Variants in CLSTN2 observed in about 807,000 individuals in gnomAD.
CLSTN2 encodes the protein calsyntenin 2, also known as calsyntenin-2.
CLSTN2 carries 48 observed loss-of-function variants against 101.2 expected under a neutral mutation model. The observed-to-expected ratio is 0.47, with a 90% CI of 0.38 to 0.60. The LOEUF is 0.60. CLSTN2 is among the 20% of genes least tolerant of loss of function. The pLI is 0.00. For missense variants in CLSTN2, 1,160 were observed against 1,238.2 expected, an observed-to-expected ratio of 0.94 and a Z score of 0.95; for synonymous variants, 481 against 463.6, an observed-to-expected ratio of 1.04 and a Z score of -0.48.
At chr3:140,500,464 A>G (rs1934555345) in intron 8 of CLSTN2, among the ~76,000 whole-genome samples, 1 of 152,226 alleles carries the variant, frequency 6.6e-6, no homozygotes, top group Non-Finnish European at 1.5e-5. Context: ...TACAGTCATG[A>G]ATGTAAAACA....
At chr3:140,372,104 T>A (rs1383017) in intron 2 of CLSTN2, among the ~76,000 whole-genome samples, 145,663 of 152,230 alleles carry the variant, frequency 0.96, 70,008 homozygotes, top group East Asian at 1. Context: ...GCAGGAGCTT[T>A]GTCTACTGTT....
chr3:140,021,350 G>A (rs1416582846), intron 1 of CLSTN2, among the ~76,000 whole-genome samples: 1 of 152,224 alleles, frequency 6.6e-6, no homozygotes, highest in African/African-American at 2.4e-5. Context: ...TCTAATGGCA[G>A]TTATGTGCCA....
intron 1 of CLSTN2, among the ~76,000 whole-genome samples, chr3:139,960,755 G>C (rs768841747): frequency 3.3e-4 from 50 of 152,152 alleles, no homozygotes; most frequent in Non-Finnish European, 6.2e-4. Flanking sequence ...AGAAGCCAGG[G>C]GCTGACTCAG....
At chr3:140,012,778 G>T (rs756847285) in intron 1 of CLSTN2, among the ~76,000 whole-genome samples, 10 of 152,206 alleles carry the variant, frequency 6.6e-5, no homozygotes, top group Non-Finnish European at 7.3e-5. Context: ...GGTAAGCCTG[G>T]GTGCCTGAGG....
intron 1 of CLSTN2, among the ~76,000 whole-genome samples, chr3:140,164,729 C>A (rs1459714493): frequency 6.6e-6 from 1 of 152,138 alleles, no homozygotes; most frequent in Admixed American, 6.5e-5. Flanking sequence ...TTTTCCTAGC[C>A]TTGCTCTTGG....
chr3:139,941,348 A>G (rs112421498), intron 1 of CLSTN2, among the ~76,000 whole-genome samples: 7,126 of 152,124 alleles, frequency 0.047, 215 homozygotes, highest in African/African-American at 0.08. Flanking sequence ...GAATGGTTAG[A>G]ATGAGAGTTA....
At chr3:139,981,452 T>C (rs1168346779) in intron 1 of CLSTN2, among the ~76,000 whole-genome samples, 2 of 152,234 alleles carry the variant, frequency 1.3e-5, no homozygotes, top group African/African-American at 4.8e-5. Context: ...ATTTTTATCA[T>C]TGCCTATTCT....
chr3:140,046,442 A>C (rs903589187), intron 1 of CLSTN2, among the ~76,000 whole-genome samples: 26 of 152,106 alleles, frequency 1.7e-4, no homozygotes, highest in African/African-American at 6.3e-4. Flanking sequence ...AATACAGTAC[A>C]CTGATAGGTC....
rs1422814061 is a variant in CLSTN2 at position 140,040,392 on chromosome 3, G to A, written c.109+104909G>A. ...TCTGAATCTGTTCAGGCCAGACAATGCATTGCATAGGTTAGATATAGTCAA... is the reference window on the plus strand; with the variant it reads ...TCTGAATCTGTTCAGGCCAGACAATACATTGCATAGGTTAGATATAGTCAA... On this transcript the variant is annotated intron_variant, in intron 1 of 16. Transcript: ENST00000458420. 2.0e-5 allele frequency among the ~76,000 whole-genome samples: 3 copies of A among 152,264 alleles called. No homozygotes were observed. In the East Asian group the frequency reaches 5.8e-4, roughly 29 times the overall value.
At chr3:140,377,070 T>C (rs11916924) in intron 2 of CLSTN2, among the ~76,000 whole-genome samples, 145,179 of 151,728 alleles carry the variant, frequency 0.96, 69,780 homozygotes, top group East Asian at 1. Context: ...TGCCATAAAA[T>C]GATGTTTTGG....
chr3:140,307,412 G>A (rs1375383337), intron 2 of CLSTN2, among the ~76,000 whole-genome samples: 2 of 152,072 alleles, frequency 1.3e-5, no homozygotes. Flanking sequence ...GGCAGAGCAG[G>A]GCATTGACTA....
At chr3:140,454,642 A>T (rs945742255) in intron 6 of CLSTN2, 3 of 152,238 alleles carry the variant, frequency 2.0e-5, no homozygotes, top group Admixed American at 1.3e-4. Context: ...ACAAAGGTTT[A>T]TTTATCATTC....
chr3:140,515,913 A>C (rs1384547996), intron 8 of CLSTN2, among the ~76,000 whole-genome samples: 1 of 152,094 alleles, frequency 6.6e-6, no homozygotes, highest in Non-Finnish European at 1.5e-5. Context: ...CCTTGAGGAC[A>C]TGTCTACTGC....
chr3:140,068,647 C>T (rs2008339961), intron 1 of CLSTN2, among the ~76,000 whole-genome samples: 1 of 152,180 alleles, frequency 6.6e-6, no homozygotes, highest in Non-Finnish European at 1.5e-5. Flanking sequence ...ACAAGATGAC[C>T]AATTCCTGAT....
At chr3:140,056,003 A>T (rs959444264) in intron 1 of CLSTN2, among the ~76,000 whole-genome samples, 2 of 152,176 alleles carry the variant, frequency 1.3e-5, no homozygotes, top group African/African-American at 4.8e-5. Flanking sequence ...GCTGGATTGG[A>T]GAGTACCAAG....
rs777006836 is a variant in CLSTN2, at chr3:140,403,763, A to G, written c.367A>G (p.Ile123Val). 3.7e-6 allele frequency: 6 copies of G among 1,614,168 alleles called. No homozygotes were observed. In the South Asian group the frequency reaches 6.6e-5, roughly 18 times the overall value. ...DCELQKEYTF[I>V]IQAYDCGAGP... ...TGAGTTGCAGAAGGAGTACACATTC[A>G]TCATCCAGGCCTATGACTGTGGTGC... The change falls in exon 3 of 17, where the codon ATC becomes GTC. Residue 123 changes from isoleucine (I) to valine (V), a missense_variant. By Grantham distance (29) the Ile-to-Val change is conservative. Coordinates refer to ENST00000458420, the MANE Select transcript of CLSTN2 (RefSeq NM_022131.3).
intron 1 of CLSTN2, among the ~76,000 whole-genome samples, chr3:139,984,261 A>G (rs1160855588): frequency 1.3e-5 from 2 of 152,212 alleles, no homozygotes; most frequent in Non-Finnish European, 2.9e-5. Context: ...ATTCTCCAGG[A>G]TGATCCATAG....
chr3:140,118,699 G>A (rs1451892004), intron 1 of CLSTN2, among the ~76,000 whole-genome samples: 1 of 152,106 alleles, frequency 6.6e-6, no homozygotes, highest in Non-Finnish European at 1.5e-5. Context: ...TCCAATTTCA[G>A]TGACTCCTGG....
chr3:140,485,263 G>T (rs545955338), intron 8 of CLSTN2, among the ~76,000 whole-genome samples: 7 of 152,360 alleles, frequency 4.6e-5, no homozygotes, highest in African/African-American at 1.7e-4. Flanking sequence ...AGAGGCTGCA[G>T]AACAGCGGAT....
Sources: gnomAD v4.1 joint callset for allele counts (sites outside exome capture counted in the v4.1 genomes callset) on GRCh38, gnomAD v4.1.1 for gene constraint, MANE v1.5 for transcripts, NCBI Gene and HGNC (gene_info 2026-07-23, HGNC 2026-07-21) for gene names.